The following RBFOX1 variants were observed in gnomAD, a reference collection of about 807,000 sequenced individuals.
RBFOX1 encodes the protein RNA binding fox-1 homolog 1.
Under a neutral mutation model 57.7 loss-of-function variants are expected in RBFOX1, and 8 were observed. That is an observed-to-expected ratio of 0.14 (90% confidence interval 0.08 to 0.25). The LOEUF is 0.25. Ranked by LOEUF, RBFOX1 falls within the 10% of genes least tolerant of loss-of-function variation. RBFOX1 has a pLI of 1.00. For synonymous variants in RBFOX1, 326 were observed against 222.4 expected, an observed-to-expected ratio of 1.47 and a Z score of -4.15; for missense variants, 611 against 548.5, an observed-to-expected ratio of 1.11 and a Z score of -1.14.
intron 3 of RBFOX1, among the ~76,000 whole-genome samples, chr16:6,658,964 C>T (rs368362645): frequency 1.2e-4 from 17 of 141,264 alleles, no homozygotes; most frequent in African/African-American, 4.0e-4. Context: ...TTTCCTCCTG[C>T]AGGTGAACGT....
At chr16:7,159,781 C>T (rs1328600508) in intron 4 of RBFOX1, among the ~76,000 whole-genome samples, 3 of 152,154 alleles carry the variant, frequency 2.0e-5, no homozygotes, top group African/African-American at 4.8e-5. Context: ...AATAACTGGG[C>T]TCCTCCAAGA....
chr16:5,855,976 C>CTTTT (rs1160702604), intron 3 of RBFOX1, among the ~76,000 whole-genome samples: 16 of 77,690 alleles, frequency 2.1e-4, no homozygotes, highest in East Asian at 4.2e-4. Flanking sequence ...GTATGTTATT[C>CTTTT]TTTTTTTTTT....
chr16:7,068,374 A>G (rs1399122625), intron 4 of RBFOX1, among the ~76,000 whole-genome samples: 5 of 152,172 alleles, frequency 3.3e-5, no homozygotes, highest in Non-Finnish European at 7.4e-5. Flanking sequence ...TATAAAATAT[A>G]GAAAGTCAGA....
intron 1 of RBFOX1, among the ~76,000 whole-genome samples, chr16:6,069,565 C>A (rs948592173): frequency 6.6e-6 from 1 of 152,060 alleles, no homozygotes; most frequent in African/African-American, 2.4e-5. Context: ...TCAAAAGGAC[C>A]TTTAGACTCT....
chr16:5,612,733 G>C (rs906769001), intron 3 of RBFOX1, among the ~76,000 whole-genome samples: 5 of 152,230 alleles, frequency 3.3e-5, no homozygotes, highest in South Asian at 2.1e-4. Flanking sequence ...AAGATAGCCA[G>C]AGTAGCTGGA....
Position 6,221,335 on chromosome 16 carries a change from G to A in RBFOX1, c.-126-95660G>A, listed in dbSNP as rs190950595. Among the ~76,000 whole-genome samples, 239 of 152,194 alleles carry A rather than the reference G, an allele frequency of 1.6e-3. 2 individuals are homozygous for A. The highest frequency in any genetic ancestry group is 4.6e-4 in the Non-Finnish European group (31 of 68,016). Reference sequence around the variant, plus strand: ...CTGTTTAATTTGAATTTCATTACTAGTGAGGTTGATTGTTTTTATATGCTT... The same window carrying A: ...CTGTTTAATTTGAATTTCATTACTAATGAGGTTGATTGTTTTTATATGCTT... On this transcript the variant is annotated intron_variant, in intron 1 of 15. Transcript: ENST00000550418.
intron 3 of RBFOX1, among the ~76,000 whole-genome samples, chr16:5,844,528 G>A (rs1486523170): frequency 6.6e-6 from 1 of 152,128 alleles, no homozygotes; most frequent in African/African-American, 2.4e-5. Context: ...TTGGACATGT[G>A]TGTAAGTCTA....
chr16:6,941,012 T>G (rs941592834), intron 3 of RBFOX1, among the ~76,000 whole-genome samples: 1 of 152,024 alleles, frequency 6.6e-6, no homozygotes, highest in African/African-American at 2.4e-5. Context: ...CGGCCCCCCT[T>G]ATCGTATACT....
chr16:5,400,900 T>C (rs1390211351), intron 1 of RBFOX1, among the ~76,000 whole-genome samples: 1 of 152,218 alleles, frequency 6.6e-6, no homozygotes, highest in East Asian at 1.9e-4. Context: ...TCCATTTTTG[T>C]TCATAGATCA....
chr16:7,676,483 C>T (rs1173053125), intron 13 of RBFOX1, among the ~76,000 whole-genome samples: 1 of 152,198 alleles, frequency 6.6e-6, no homozygotes, highest in African/African-American at 2.4e-5. Flanking sequence ...ATCCTCTCCA[C>T]CCCAAGACAA....
intron 3 of RBFOX1, among the ~76,000 whole-genome samples, chr16:5,709,581 C>A (rs142052403): frequency 2.8e-4 from 42 of 151,444 alleles, no homozygotes; most frequent in Admixed American, 9.2e-4. Context: ...CAGGCCTCCT[C>A]CTGACACTTC....
At chr16:6,904,882 C>G (rs1567809842) in intron 3 of RBFOX1, among the ~76,000 whole-genome samples, 2 of 152,126 alleles carry the variant, frequency 1.3e-5, no homozygotes, top group East Asian at 3.9e-4. Context: ...CTCTATTACA[C>G]TTTTCTACAA....
intron 4 of RBFOX1, among the ~76,000 whole-genome samples, chr16:5,995,425 G>A (rs1002944468): frequency 6.6e-6 from 1 of 152,116 alleles, no homozygotes; most frequent in East Asian, 1.9e-4. Context: ...GAGCATGATG[G>A]TAAGTGCTTT....
intron 13 of RBFOX1, among the ~76,000 whole-genome samples, chr16:7,666,724 CAA>C (rs2069431515): frequency 6.6e-6 from 1 of 152,148 alleles, no homozygotes; most frequent in African/African-American, 2.4e-5. Flanking sequence ...AGAGAAAAAA[CAA>C]AGTTAGAAGA....
intron 1 of RBFOX1, among the ~76,000 whole-genome samples, chr16:6,262,841 A>G (rs941791404): frequency 6.6e-6 from 1 of 152,184 alleles, no homozygotes; most frequent in Admixed American, 6.5e-5. Flanking sequence ...ACAGTGGGCA[A>G]CAAGGCAGGC....
At chr16:7,559,145 G>C (rs1313906918) in intron 5 of RBFOX1, among the ~76,000 whole-genome samples, 3 of 152,180 alleles carry the variant, frequency 2.0e-5, no homozygotes, top group Non-Finnish European at 4.4e-5. Context: ...GTCAGAGAAA[G>C]CTGCAGGGCA....
chr16:7,650,238 A>G (rs778103923), intron 11 of RBFOX1, among the ~76,000 whole-genome samples: 3 of 151,662 alleles, frequency 2.0e-5, no homozygotes, highest in Non-Finnish European at 4.4e-5. Flanking sequence ...GAAAATACCA[A>G]CCACCCAGGA....
At chr16:7,310,382 T>G (rs141784154) in intron 4 of RBFOX1, among the ~76,000 whole-genome samples, 3 of 152,190 alleles carry the variant, frequency 2.0e-5, no homozygotes, top group African/African-American at 7.2e-5. Flanking sequence ...GATGGATTGA[T>G]CCCGGCTAAA....
intron 1 of RBFOX1, among the ~76,000 whole-genome samples, chr16:5,259,694 G>T (rs569094946): frequency 3.3e-5 from 5 of 152,282 alleles, no homozygotes; most frequent in African/African-American, 7.2e-5. Context: ...GAGTTAATGT[G>T]ATTTATTCTA....
Sources: gnomAD v4.1 joint callset for allele counts (sites outside exome capture counted in the v4.1 genomes callset) on GRCh38, gnomAD v4.1.1 for gene constraint, MANE v1.5 for transcripts, NCBI Gene and HGNC (gene_info 2026-07-23, HGNC 2026-07-21) for gene names.